GALM: variants seen among roughly 807,000 people sequenced by gnomAD.
The protein encoded by GALM is aldose 1-epimerase.
Under a neutral mutation model 37.4 loss-of-function variants are expected in GALM, and 43 were observed. The ratio of observed to expected loss-of-function variants is 1.15; its 90% confidence interval spans 0.90 to 1.48. GALM has a LOEUF of 1.48. GALM is among the 40% of genes most tolerant of loss of function. GALM has a pLI of 0.00. For synonymous variants in GALM, 199 were observed against 170.6 expected, an observed-to-expected ratio of 1.17 and a Z score of -1.30; for missense variants, 456 against 419.1, an observed-to-expected ratio of 1.09 and a Z score of -0.77.
At chr2:38,711,257 T>G (rs1666147720) in intron 4 of GALM, among the ~76,000 whole-genome samples, 1 of 151,760 alleles carries the variant, frequency 6.6e-6, no homozygotes, top group Non-Finnish European at 1.5e-5. Context: ...CCTCCCAGGT[T>G]CAAGCGATTC....
intron 5 of GALM, among the ~76,000 whole-genome samples, chr2:38,731,139 A>G (rs1394285109): frequency 6.6e-6 from 1 of 152,078 alleles, no homozygotes; most frequent in Non-Finnish European, 1.5e-5. Context: ...AGGCAGGAGA[A>G]TTGCTTTAAC....
Position 38,708,347 on chromosome 2 carries a change from C to T in GALM, c.634+18453C>T, listed in dbSNP as rs544128290. 8.6e-5 allele frequency among the ~76,000 whole-genome samples: 13 copies of T among 151,978 alleles called. No homozygotes were observed. In the South Asian group the frequency reaches 2.1e-3, roughly 24 times the overall value. On this transcript the variant is annotated intron_variant, in intron 4 of 6. Transcript: ENST00000272252. The stretch of plus-strand genomic sequence containing the variant: ...ATAAATAAAAAAGAATCCTGGGCCC[C>T]ACCTCAGAGATTCTGATTCATTTGC...
intron 4 of GALM, among the ~76,000 whole-genome samples, chr2:38,728,686 A>AAAAACAAAGC (rs1666535830): frequency 6.6e-6 from 1 of 150,614 alleles, no homozygotes; most frequent in African/African-American, 2.4e-5. Context: ...CTCCATCTCA[A>AAAAACAAAGC]AAAACAAAAC....
At chr2:38,718,381 T>C (rs531766161) in intron 4 of GALM, among the ~76,000 whole-genome samples, 1 of 150,834 alleles carries the variant, frequency 6.6e-6, no homozygotes, top group Non-Finnish European at 1.5e-5. Context: ...GTATTTTCAG[T>C]AGAGACGGGG....
In GALM at chr2:38,699,935, T is replaced by C. The variant is rs377736062; in HGVS notation, c.634+10041T>C. Among the ~76,000 whole-genome samples the C allele has an allele frequency of 2.6e-5, 4 of 152,308 alleles. No individual in the cohort carries two copies. In the East Asian group the frequency reaches 7.7e-4, roughly 29 times the overall value. ...GGATGAAATGTTCTGTAAATGTCTCTTTGTTAGTCTAAAATGCAGGGTTTT... is the reference window on the plus strand; with the variant it reads ...GGATGAAATGTTCTGTAAATGTCTCCTTGTTAGTCTAAAATGCAGGGTTTT... On this transcript the variant is annotated intron_variant, in intron 4 of 6. Transcript: ENST00000272252.
chr2:38,681,604 G>A, intron 3 of GALM, 118 bp downstream of exon 3: 1 of 808,990 alleles, frequency 1.2e-6, no homozygotes, highest in East Asian at 2.6e-5. Flanking sequence ...TCATGATGAT[G>A]AAAAGGGCCC....
intron 4 of GALM, among the ~76,000 whole-genome samples, chr2:38,708,950 C>G (rs1359101770): frequency 6.6e-6 from 1 of 152,100 alleles, no homozygotes; most frequent in Non-Finnish European, 1.5e-5. Context: ...TCTGCCGGTG[C>G]TTCTGTGGGC....
intron 1 of GALM, among the ~76,000 whole-genome samples, chr2:38,675,615 C>T (rs2148426626): frequency 7.1e-6 from 1 of 140,944 alleles, no homozygotes; most frequent in South Asian, 2.3e-4. Flanking sequence ...GTCGCCCAGG[C>T]TGGAATGCAG....
chr2:38,707,327 G>A (rs757898420), intron 4 of GALM, among the ~76,000 whole-genome samples: 1 of 152,132 alleles, frequency 6.6e-6, no homozygotes. Context: ...ATAGACTGAG[G>A]AGAGCAGTGG....
chr2:38,705,861 G>A (rs373059626), intron 4 of GALM, among the ~76,000 whole-genome samples: 16 of 151,974 alleles, frequency 1.1e-4, no homozygotes, highest in East Asian at 3.9e-4. Context: ...TATTTTTGAC[G>A]GAGTCTTGTG....
chr2:38,731,723 A>G lies in GALM; in HGVS notation c.777-12A>G. 6.2e-7 allele frequency: 1 copy of G among 1,610,874 alleles called. No individual in the cohort carries two copies. The highest frequency in any genetic ancestry group is 8.5e-7 in the Non-Finnish European group (1 of 1,177,762). Reference sequence around the variant, plus strand: ...TCTGCCCTGGACTCATGTTGTTTGTATTTCTTACCAGGGTGCATCATGCTG... The same window carrying G: ...TCTGCCCTGGACTCATGTTGTTTGTGTTTCTTACCAGGGTGCATCATGCTG... On this transcript the variant is annotated splice_polypyrimidine_tract_variant and intron_variant, in intron 5 of 6. Transcript: ENST00000272252.
intron 4 of GALM, among the ~76,000 whole-genome samples, chr2:38,704,522 A>G (rs1158172116): frequency 6.6e-6 from 1 of 152,046 alleles, no homozygotes; most frequent in Admixed American, 6.6e-5. Flanking sequence ...AATAGAATCA[A>G]AAAATTAGCC....
rs551724880 is a variant in GALM, at chr2:38,686,476, A to T, written c.553-3337A>T. Among the ~76,000 whole-genome samples the T allele has an allele frequency of 1.1e-3, 164 of 152,000 alleles. 2 individuals are homozygous for T. Among genetic ancestry groups the T allele is most frequent in the South Asian group, 7.5e-3 (36 of 4,802 alleles). ...GAGATGGGGTTTCACCGTGTTAGCC[A>T]GGATGGTCTGATCTCCTGACCTCGT... is the stretch of plus-strand genomic sequence containing the variant. On this transcript the variant is annotated intron_variant, in intron 3 of 6. Coordinates refer to ENST00000272252, the MANE Select transcript of GALM (RefSeq NM_138801.3).
intron 1 of GALM, 89 bp from the exon 2 acceptor site, chr2:38,675,823 C>T (rs1443620832): frequency 8.2e-7 from 1 of 1,218,952 alleles, no homozygotes; most frequent in Non-Finnish European, 1.2e-6. Context: ...CCTGCCTCGG[C>T]CTCCCATAGT....
chr2:38,731,321 C>T (rs892115656), intron 5 of GALM, among the ~76,000 whole-genome samples: 1 of 148,950 alleles, frequency 6.7e-6, no homozygotes, highest in Non-Finnish European at 1.5e-5. Context: ...TGCTTGAGCC[C>T]GGGAGGCTGA....
At chr2:38,732,857 T>G (rs1186764484) in intron 6 of GALM, among the ~76,000 whole-genome samples, 1 of 148,982 alleles carries the variant, frequency 6.7e-6, no homozygotes, top group Non-Finnish European at 1.5e-5. Context: ...AGGTCAAGGC[T>G]GCAGTGAGCC....
At chr2:38,672,804 T>G (rs1665144047) in intron 1 of GALM, among the ~76,000 whole-genome samples, 2 of 151,132 alleles carry the variant, frequency 1.3e-5, no homozygotes, top group South Asian at 4.2e-4. Flanking sequence ...GTCAGGAGTT[T>G]GAGACCAGCC....
rs367911059 is a variant in GALM at position 38,675,916 on chromosome 2, C to A, written c.195C>A (p.Tyr65Ter). ...VVLGFAELEGYLQKQPYFGAV... is the reference protein window; with the variant it reads ...VVLGFAELEG ...TGTCATCCCTTGTCCTTGCAGGATA[C>A]CTCCAAAAGCAGCCATACTTTGGAG... Residue 65 changes from tyrosine to a stop codon, truncating the protein, a stop_gained, in exon 2 of 7, where the codon TAC becomes TAA. Coordinates refer to ENST00000272252, the MANE Select transcript of GALM (RefSeq NM_138801.3). LOFTEE classifies it high-confidence loss of function. The A allele has an allele frequency of 1.2e-4, 198 of 1,613,798 alleles. No individual in the cohort carries two copies. The highest frequency in any genetic ancestry group is 1.6e-4 in the Non-Finnish European group (188 of 1,179,966).
At chr2:38,714,547 G>A (rs1666232321) in intron 4 of GALM, among the ~76,000 whole-genome samples, 2 of 152,110 alleles carry the variant, frequency 1.3e-5, no homozygotes, top group Admixed American at 1.3e-4. Context: ...AACCCACTTG[G>A]CTCTCAAGCA....
Sources: gnomAD v4.1 joint callset for allele counts (sites outside exome capture counted in the v4.1 genomes callset) on GRCh38, gnomAD v4.1.1 for gene constraint, MANE v1.5 for transcripts, NCBI Gene and HGNC (gene_info 2026-07-23, HGNC 2026-07-21) for gene names.